The following AUTS2 variants were observed in gnomAD, a reference collection of about 807,000 sequenced individuals.
AUTS2 encodes the protein autism susceptibility gene 2 protein.
In AUTS2, 17 loss-of-function variants were observed where a neutral mutation model predicts 112.4. The ratio of observed to expected loss-of-function variants is 0.15; its 90% CI spans 0.10 to 0.23. AUTS2 has a LOEUF of 0.23. Ranked by LOEUF, AUTS2 falls within the 10% of genes least tolerant of loss-of-function variation. The pLI is 1.00. For synonymous variants in AUTS2, 751 were observed against 702.7 expected (o/e 1.07, Z -1.09); for missense variants, 1,510 against 1,701.6 (o/e 0.89, Z 1.98).
intron 1 of AUTS2, among the ~76,000 whole-genome samples, chr7:69,783,981 G>T (rs540761394): frequency 1.3e-5 from 2 of 152,226 alleles, no homozygotes; most frequent in African/African-American, 4.8e-5. Flanking sequence ...CATTTTACCA[G>T]GTGATTTGCT....
chr7:69,859,239 G>C (rs1792869342), intron 1 of AUTS2, among the ~76,000 whole-genome samples: 1 of 152,140 alleles, frequency 6.6e-6, no homozygotes, highest in Non-Finnish European at 1.5e-5. Flanking sequence ...TGTTTAAAAG[G>C]AAATAGAAAT....
chr7:70,114,057 A>G (rs1444420871), intron 2 of AUTS2, among the ~76,000 whole-genome samples: 1 of 152,236 alleles, frequency 6.6e-6, no homozygotes, highest in Non-Finnish European at 1.5e-5. Context: ...TATTTTATAA[A>G]AGATGTTAAT....
chr7:69,778,573 T>C (rs185701690), intron 1 of AUTS2, among the ~76,000 whole-genome samples: 2 of 152,218 alleles, frequency 1.3e-5, no homozygotes, highest in East Asian at 1.9e-4. Flanking sequence ...TTCAGAGATA[T>C]GATGTTACCA....
chr7:69,617,112 G>A (rs1345701944), intron 1 of AUTS2, among the ~76,000 whole-genome samples: 4 of 152,060 alleles, frequency 2.6e-5, no homozygotes, highest in Non-Finnish European at 5.9e-5. Flanking sequence ...ATAAAGCAGG[G>A]TAAAGCAAGA....
chr7:70,056,660 C>G (rs1315051421), intron 2 of AUTS2, among the ~76,000 whole-genome samples: 3 of 152,140 alleles, frequency 2.0e-5, no homozygotes, highest in African/African-American at 7.2e-5. Flanking sequence ...GTTTCTACAA[C>G]CTGCATTGAG....
chr7:69,989,897 G>A lies in AUTS2; in HGVS notation c.522+90399G>A, dbSNP rs1305720884. 2.6e-5 allele frequency among the ~76,000 whole-genome samples: 4 copies of A among 152,064 alleles called. No individual in the cohort carries two copies. The East Asian group carries it at 7.7e-4, about 29-fold the overall frequency. Reference sequence around the variant, plus strand: ...GTGCTAACTCTATTGTGAACTGTGCGTTTGAGGGATCTAGGTTGCCTGCTT... The same window carrying A: ...GTGCTAACTCTATTGTGAACTGTGCATTTGAGGGATCTAGGTTGCCTGCTT... On this transcript the variant is annotated intron_variant, in intron 2 of 18. Coordinates refer to ENST00000342771, the MANE Select transcript of AUTS2 (RefSeq NM_015570.4).
chr7:70,649,108 T>C (rs1806338481), intron 5 of AUTS2, among the ~76,000 whole-genome samples: 1 of 152,014 alleles, frequency 6.6e-6, no homozygotes, highest in African/African-American at 2.4e-5. Context: ...ATAAGAAGAA[T>C]AGGCTGGATA....
intron 2 of AUTS2, among the ~76,000 whole-genome samples, chr7:70,092,720 G>C (rs753611535): frequency 6.6e-6 from 1 of 152,132 alleles, no homozygotes; most frequent in Non-Finnish European, 1.5e-5. Flanking sequence ...GCATGAGGTC[G>C]AACAGCAGAA....
chr7:70,467,551 A>T (rs1002536041), intron 5 of AUTS2, among the ~76,000 whole-genome samples: 3 of 152,196 alleles, frequency 2.0e-5, no homozygotes, highest in African/African-American at 4.8e-5. Context: ...TTTATTGAAT[A>T]CTTCTTGTGT....
chr7:70,051,604 A>C (rs751553953), intron 2 of AUTS2, among the ~76,000 whole-genome samples: 12 of 152,098 alleles, frequency 7.9e-5, no homozygotes, highest in Non-Finnish European at 1.2e-4. Flanking sequence ...CTGTAATCCC[A>C]GCTACTCAGG....
chr7:70,722,390 G>T (rs901236400), intron 6 of AUTS2, among the ~76,000 whole-genome samples: 2 of 152,190 alleles, frequency 1.3e-5, no homozygotes, highest in Non-Finnish European at 2.9e-5. Flanking sequence ...AAAATATAGA[G>T]GGAGATGGGG....
At chr7:70,307,545 T>C (rs185863584) in intron 4 of AUTS2, among the ~76,000 whole-genome samples, 1 of 152,256 alleles carries the variant, frequency 6.6e-6, no homozygotes, top group Non-Finnish European at 1.5e-5. Context: ...AGACACATGC[T>C]CTAGCTTTAC....
intron 1 of AUTS2, among the ~76,000 whole-genome samples, chr7:69,751,635 A>G (rs1402214118): frequency 6.6e-6 from 1 of 152,230 alleles, no homozygotes. Context: ...ATTGTTTCTC[A>G]GCATATAAAC....
chr7:70,435,870 A>G, intron 5 of AUTS2, 89 bp downstream of exon 5: 1 of 1,393,620 alleles, frequency 7.2e-7, no homozygotes, highest in South Asian at 1.2e-5. Flanking sequence ...GTAGGATGCC[A>G]GCTTCATGTT....
At chr7:70,643,190 C>T (rs180821541) in intron 5 of AUTS2, among the ~76,000 whole-genome samples, 6 of 152,332 alleles carry the variant, frequency 3.9e-5, no homozygotes, top group African/African-American at 1.4e-4. Context: ...ACTATGTCTC[C>T]ATCCCAGGTC....
chr7:69,660,691 G>A (rs1276174064), intron 1 of AUTS2, among the ~76,000 whole-genome samples: 1 of 152,220 alleles, frequency 6.6e-6, no homozygotes, highest in Non-Finnish European at 1.5e-5. Flanking sequence ...CCAGCACTTT[G>A]GGAGGCTGAG....
At chr7:70,622,677 T>C (rs1166913171) in intron 5 of AUTS2, among the ~76,000 whole-genome samples, 1 of 152,232 alleles carries the variant, frequency 6.6e-6, no homozygotes, top group African/African-American at 2.4e-5. Flanking sequence ...TAATGAATTA[T>C]GACAAAACTT....
intron 5 of AUTS2, among the ~76,000 whole-genome samples, chr7:70,614,187 C>T (rs180807804): frequency 9.8e-5 from 15 of 152,304 alleles, no homozygotes; most frequent in Admixed American, 9.2e-4. Flanking sequence ...AGCTAGTCTA[C>T]AGCTCTCCTC....
At chr7:70,247,484 A>G (rs1218611110) in intron 4 of AUTS2, among the ~76,000 whole-genome samples, 2 of 152,192 alleles carry the variant, frequency 1.3e-5, no homozygotes, top group Non-Finnish European at 2.9e-5. Flanking sequence ...TAATACTATT[A>G]AGCTACACAC....
Sources: gnomAD v4.1 joint callset for allele counts (sites outside exome capture counted in the v4.1 genomes callset) on GRCh38, gnomAD v4.1.1 for gene constraint, MANE v1.5 for transcripts, NCBI Gene and HGNC (gene_info 2026-07-23, HGNC 2026-07-21) for gene names.